PKD1L1: variants seen among roughly 807,000 people sequenced by gnomAD.
PKD1L1 encodes polycystin 1 like 1, transient receptor potential channel interacting.
Under a neutral mutation model 323.4 loss-of-function variants are expected in PKD1L1, and 236 were observed. The ratio of observed to expected loss-of-function variants is 0.73; its 90% confidence interval spans 0.66 to 0.81. PKD1L1 has a LOEUF of 0.81. Ranked by LOEUF, PKD1L1 falls within the 40% of genes least tolerant of loss-of-function variation. The pLI is 0.00. For missense variants in PKD1L1, 3,320 were observed against 3,508.0 expected (o/e 0.95, Z 1.35); for synonymous variants, 1,344 against 1,335.0 (o/e 1.01, Z -0.15).
chr7:47,881,916 T>C lies in PKD1L1; in HGVS notation c.3435A>G (p.Ser1145=). 1 of 1,595,268 alleles carries C rather than the reference T, an allele frequency of 6.3e-7. No individual in the cohort carries two copies. The highest frequency in any genetic ancestry group is 1.1e-5 in the South Asian group (1 of 88,962). ...LLGRAVFQGY[S]SSGITEQTVT... ...CAAAGAGGACATTCATACCTGAGGA[T>C]GAATAGCCTTGGAAAACTGCTCGAC... Residue 1145 remains serine, a synonymous_variant, in exon 20 of 57, where the codon TCA becomes TCG. Transcript: ENST00000289672.
the PKD1L1 span, among the ~76,000 whole-genome samples, chr7:47,954,269 C>T: frequency 6.6e-6 from 1 of 152,098 alleles, no homozygotes; most frequent in East Asian, 1.9e-4. Context: ...GAGAAAAAAG[C>T]CAATTTTTGC....
intron 4 of PKD1L1, among the ~76,000 whole-genome samples, chr7:47,936,469 G>A (rs1246280430): frequency 6.6e-6 from 1 of 152,138 alleles, no homozygotes; most frequent in Non-Finnish European, 1.5e-5. Context: ...ATGTCTTCAA[G>A]GTTCATCGAA....
chr7:47,799,511 G>T (rs940493728), intron 54 of PKD1L1, among the ~76,000 whole-genome samples: 1 of 152,170 alleles, frequency 6.6e-6, no homozygotes, highest in African/African-American at 2.4e-5. Context: ...CTAGAAGGCA[G>T]GCACACCAAT....
chr7:47,899,835 A>G (rs547680059), intron 13 of PKD1L1, among the ~76,000 whole-genome samples: 7 of 151,936 alleles, frequency 4.6e-5, no homozygotes, highest in Non-Finnish European at 1.0e-4. Context: ...GGACGCCTGT[A>G]GTCCCAGCTA....
chr7:47,874,040 T>A, intron 23 of PKD1L1, 30 bp from the exon 24 acceptor site: 1 of 1,406,298 alleles, frequency 7.1e-7, no homozygotes, highest in Non-Finnish European at 1.0e-6. Flanking sequence ...AAGAGGGTCA[T>A]CTTGGACATG....
chr7:47,882,939 A>G (rs998278705), intron 19 of PKD1L1, among the ~76,000 whole-genome samples: 7 of 152,230 alleles, frequency 4.6e-5, no homozygotes, highest in African/African-American at 1.7e-4. Flanking sequence ...TCTAGGCAAG[A>G]AGGAGTCGCT....
chr7:47,803,707 G>A (rs1784715570), intron 52 of PKD1L1, among the ~76,000 whole-genome samples: 1 of 152,160 alleles, frequency 6.6e-6, no homozygotes, highest in Non-Finnish European at 1.5e-5. Context: ...TCACCACAGA[G>A]GGGACTCAAA....
intron 53 of PKD1L1, among the ~76,000 whole-genome samples, chr7:47,802,434 C>T (rs1413779069): frequency 5.3e-5 from 8 of 152,150 alleles, no homozygotes; most frequent in Non-Finnish European, 1.0e-4. Flanking sequence ...CAGGTTCGTT[C>T]TCTCTGCCCT....
At chr7:47,812,615 C>T (rs926627561) in intron 49 of PKD1L1, among the ~76,000 whole-genome samples, 28 of 152,158 alleles carry the variant, frequency 1.8e-4, no homozygotes, top group African/African-American at 6.8e-4. Flanking sequence ...GAGGTGCATG[C>T]TGCTTGGGGA....
rs754027442 is a variant in PKD1L1, at chr7:47,813,307, C to A, written c.7174-14G>T. On this transcript the variant is annotated splice_polypyrimidine_tract_variant and intron_variant, in intron 48 of 56. Coordinates refer to ENST00000289672, the MANE Select transcript of PKD1L1 (RefSeq NM_138295.5). ...TGGCCTGGGAGGCTGCAGAACAAAC[C>A]AGCAGTCAGAAGACACAGATACTAT... 4 of 1,613,476 alleles carry A rather than the reference C, an allele frequency of 2.5e-6. No homozygotes were observed. Among genetic ancestry groups the A allele is most frequent in the African/African-American group, 2.7e-5 (2 of 74,918 alleles).
intron 26 of PKD1L1, among the ~76,000 whole-genome samples, chr7:47,860,486 C>T (rs1200515110): frequency 6.6e-6 from 1 of 152,156 alleles, no homozygotes; most frequent in Non-Finnish European, 1.5e-5. Context: ...GCTTATTTAA[C>T]CACAATGATA....
Position 47,898,129 on chromosome 7 carries a change from G to GGAA in PKD1L1, c.2127_2129dup (p.Ser710dup). ...AGTTCCAGGTGTAAGAAAGACCTTG[G>GGAA]GAAATATCACAGAAGACTGCAGCTT... is the stretch of plus-strand genomic sequence containing the variant. On this transcript the variant is annotated inframe_insertion, in exon 14 of 57. Coordinates refer to ENST00000289672, the MANE Select transcript of PKD1L1 (RefSeq NM_138295.5). 1.2e-6 allele frequency: 2 copies of GGAA among 1,614,154 alleles called. No homozygotes were observed. Among genetic ancestry groups the GGAA allele is most frequent in the Non-Finnish European group, 1.7e-6 (2 of 1,180,024 alleles).
At chr7:47,790,555 TCTC>T (rs1202157339) in intron 56 of PKD1L1, among the ~76,000 whole-genome samples, 1 of 151,836 alleles carries the variant, frequency 6.6e-6, no homozygotes, top group African/African-American at 2.4e-5. Flanking sequence ...ATGGTCTTGA[TCTC>T]CTGACCTCGT....
At chr7:47,826,356 G>T (rs994512112) in intron 45 of PKD1L1, among the ~76,000 whole-genome samples, 1 of 152,092 alleles carries the variant, frequency 6.6e-6, no homozygotes, top group South Asian at 2.1e-4. Flanking sequence ...TTATGAGGAG[G>T]TTTGATAAGA....
rs1242200948 is a variant in PKD1L1, at chr7:47,885,698, G to A, written c.3193C>T (p.Pro1065Ser). 5 of 1,613,006 alleles carry A rather than the reference G, an allele frequency of 3.1e-6. No homozygotes were observed. The South Asian group carries it at 4.4e-5, about 14-fold the overall frequency. Reference protein sequence around the residue: ...ERSQPTHSPDPHLSDFEAYYS... With the variant: ...ERSQPTHSPDSHLSDFEAYYS... ...CAGTGGCACTTACCAGAGAGGTGAG[G>A]GTCAGGGCTGTGGGTGGGCTGACTT... Residue 1065 changes from proline (P) to serine (S), a missense_variant, in exon 18 of 57, where the codon CCT becomes TCT. Transcript: ENST00000289672.
chr7:47,795,849 A>G, intron 55 of PKD1L1, 140 bp downstream of exon 55: 3 of 978,570 alleles, frequency 3.1e-6, no homozygotes, highest in Non-Finnish European at 4.7e-6. Context: ...ACTATGATTG[A>G]GACTAATTTT....
At position 47,899,955 on chromosome 7, in the gene PKD1L1, C is replaced by CAAAAAAAAAAA. The variant is rs10639721; in HGVS notation, c.2065-1772_2065-1762dup. Among the ~76,000 whole-genome samples the CAAAAAAAAAAA allele has an allele frequency of 1.3e-3, 141 of 106,478 alleles. 10 individuals carry two copies. Among genetic ancestry groups the CAAAAAAAAAAA allele is most frequent in the Middle Eastern group, 4.9e-3 (1 of 206 alleles). 69.9% of individuals were successfully genotyped at this position (106,478 alleles called of 152,430 possible). A position where few individuals can be genotyped will look rare whatever the true frequency, so the allele number is the denominator to read the frequency against. ...TAGGCAACAGAGCGAGACTCCATCC[C>CAAAAAAAAAAA]AAAAAAAAAAAAAATCGGAAAGGGA... is the stretch of plus-strand genomic sequence containing the variant. On this transcript the variant is annotated intron_variant, in intron 13 of 56. Coordinates refer to ENST00000289672, the MANE Select transcript of PKD1L1 (RefSeq NM_138295.5).
Position 47,808,275 on chromosome 7 carries a change from TC to T in PKD1L1, c.7798del (p.Asp2600ThrfsTer25). ...FHRGLCRAFM[D>X]LTLMASWNQR... ...ATTCCATGATGCCATAAGGGTGAGGTCCATAAATGCTCGGCAAAGTCCTCTG... is the reference window on the plus strand; with the variant it reads ...ATTCCATGATGCCATAAGGGTGAGGTCATAAATGCTCGGCAAAGTCCTCTG... On this transcript the variant is annotated frameshift_variant, in exon 52 of 57. Coordinates refer to ENST00000289672, the MANE Select transcript of PKD1L1 (RefSeq NM_138295.5). LOFTEE classifies it high-confidence loss of function. 1.2e-6 allele frequency: 2 copies of T among 1,614,000 alleles called. No homozygotes were observed. Among genetic ancestry groups the T allele is most frequent in the Non-Finnish European group, 1.7e-6 (2 of 1,179,994 alleles).
intron 42 of PKD1L1, among the ~76,000 whole-genome samples, 193 bp downstream of exon 42, chr7:47,831,024 C>G (rs1408504954): frequency 6.6e-6 from 1 of 152,136 alleles, no homozygotes; most frequent in South Asian, 2.1e-4. Context: ...GCTGGCCAGG[C>G]CAAGCCACCC....
Sources: gnomAD v4.1 joint callset for allele counts (sites outside exome capture counted in the v4.1 genomes callset) on GRCh38, gnomAD v4.1.1 for gene constraint, MANE v1.5 for transcripts, NCBI Gene and HGNC (gene_info 2026-07-23, HGNC 2026-07-21) for gene names.